PLB1: variants seen among roughly 807,000 people sequenced by gnomAD.
PLB1 encodes phospholipase B1.
PLB1 carries 242 observed loss-of-function variants against 227.4 expected under a neutral mutation model. That is an observed-to-expected ratio of 1.06 (90% confidence interval 0.96 to 1.18). The LOEUF is 1.18. Ranked by LOEUF, PLB1 falls within the 50% of genes most tolerant of loss-of-function variation. The probability of loss-of-function intolerance (pLI) is 0.00; values close to 1 mark genes in which losing one functional copy is unlikely to be tolerated. For synonymous variants in PLB1, 757 were observed against 682.2 expected, an observed-to-expected ratio of 1.11 and a Z score of -1.71; for missense variants, 1,858 against 1,816.3, an observed-to-expected ratio of 1.02 and a Z score of -0.42.
In PLB1 at chr2:28,596,799, C is replaced by G. The variant is rs144636649; in HGVS notation, c.2322-1206C>G. 9.2e-3 allele frequency among the ~76,000 whole-genome samples: 1,407 copies of G among 152,370 alleles called. 23 individuals carry two copies. The highest frequency in any genetic ancestry group is 0.032 in the African/African-American group (1,331 of 41,586). ...GTAAGATTTACGGCATCTGCCTTCT[C>G]TCTACCACCTGAATTGCTTGCAGAG... On this transcript the variant is annotated intron_variant, in intron 33 of 57. Transcript: ENST00000327757.
At chr2:28,545,073 C>T (rs1343815000) in intron 14 of PLB1, among the ~76,000 whole-genome samples, 1 of 152,180 alleles carries the variant, frequency 6.6e-6, no homozygotes, top group Non-Finnish European at 1.5e-5. Context: ...CGTACGGTCT[C>T]TTAAAACTAC....
Position 28,529,651 on chromosome 2 carries a change from A to G in PLB1, c.417-77A>G, listed in dbSNP as rs1033923647. On this transcript the variant is annotated intron_variant, in intron 7 of 57. Transcript: ENST00000327757. ...AAGCTTAGAGACTGACACCTGAGCT[A>G]TGGCAAGGGGCAAGCTTCCAGCCCT... 25 of 1,438,392 alleles carry G rather than the reference A, an allele frequency of 1.7e-5. 1 individual carries two copies. The South Asian group carries it at 1.9e-4, about 11-fold the overall frequency. 89.1% of individuals were successfully genotyped at this position (1,438,392 alleles called of 1,614,324 possible).
intron 21 of PLB1, among the ~76,000 whole-genome samples, chr2:28,577,771 G>T (rs991387423): frequency 6.6e-6 from 1 of 152,216 alleles, no homozygotes; most frequent in Non-Finnish European, 1.5e-5. Flanking sequence ...AACCCAGGAG[G>T]CAGGGTTGCA....
intron 33 of PLB1, chr2:28,594,536 C>T (rs1464672670): frequency 6.4e-6 from 1 of 157,310 alleles, no homozygotes; most frequent in Non-Finnish European, 1.4e-5. Flanking sequence ...CCCTTTTCTT[C>T]TGAGTCAGTT....
In PLB1 at chr2:28,601,917, A is replaced by C. The variant is rs758502249; in HGVS notation, c.2626A>C (p.Asn876His). 1 of 1,610,526 alleles carries C rather than the reference A, an allele frequency of 6.2e-7. No homozygotes were observed. The highest frequency in any genetic ancestry group is 2.2e-5 in the East Asian group (1 of 44,810). Reference sequence around the variant, plus strand: ...TTTCTAGAATCTGTATTCTGCAGCCAACTTTGTTCACCATCTCCGCAATGC... The same window carrying C: ...TTTCTAGAATCTGTATTCTGCAGCCCACTTTGTTCACCATCTCCGCAATGC... ...CTDSNLYSAA[N>H]FVHHLRNALD... The change falls in exon 38 of 58, where the codon AAC (asparagine) becomes CAC (histidine). Residue 876 changes from asparagine (N) to histidine (H), a missense_variant. By Grantham distance (68) the Asn-to-His change is moderately conservative. Transcript: ENST00000327757.
intron 33 of PLB1, among the ~76,000 whole-genome samples, chr2:28,596,621 T>G (rs978766557): frequency 6.6e-6 from 1 of 152,194 alleles, no homozygotes; most frequent in African/African-American, 2.4e-5. Flanking sequence ...TCTGATTGGG[T>G]GCCTTTAGTC....
intron 50 of PLB1, among the ~76,000 whole-genome samples, chr2:28,625,667 C>T (rs1332191066): frequency 5.3e-5 from 8 of 152,198 alleles, no homozygotes; most frequent in South Asian, 4.1e-4. Flanking sequence ...CAGTCTCCTT[C>T]CCCCGACCCT....
At chr2:28,608,606 G>C (rs1162078503) in intron 43 of PLB1, among the ~76,000 whole-genome samples, 1 of 152,180 alleles carries the variant, frequency 6.6e-6, no homozygotes, top group Non-Finnish European at 1.5e-5. Context: ...CTTTTGACTA[G>C]CCTTCTGTGG....
rs142769436 is a variant in PLB1, at chr2:28,617,095, G to C, written c.3196-632G>C. ...CACCTGGAAAATATGTTCTGTATTA[G>C]AGACAAAGAAAATTGACTAAAAGCA... is the stretch of plus-strand genomic sequence containing the variant. On this transcript the variant is annotated intron_variant, in intron 44 of 57. Transcript: ENST00000327757. 1.1e-3 allele frequency among the ~76,000 whole-genome samples: 161 copies of C among 152,236 alleles called. 3 individuals carry two copies. Among genetic ancestry groups the C allele is most frequent in the East Asian group, 8.1e-3 (42 of 5,180 alleles).
Position 28,625,050 on chromosome 2 carries a change from C to T in PLB1, c.3528-7C>T, listed in dbSNP as rs374107968. ...CACTAACGCCCCTCTCTCTACCCCC[C>T]ACCTAGGGACATGCCAGCCCAGGCC... On this transcript the variant is annotated splice_region_variant and splice_polypyrimidine_tract_variant and intron_variant, in intron 49 of 57. Transcript: ENST00000327757. The T allele has an allele frequency of 4.3e-5, 69 of 1,613,258 alleles. No homozygotes were observed. Among genetic ancestry groups the T allele is most frequent in the Admixed American group, 3.3e-4 (20 of 59,912 alleles).
At chr2:28,540,885 A>G (rs1672385240) in intron 12 of PLB1, among the ~76,000 whole-genome samples, 1 of 152,132 alleles carries the variant, frequency 6.6e-6, no homozygotes, top group South Asian at 2.1e-4. Flanking sequence ...AGAGAGGGTG[A>G]AGGGGTTGGG....
chr2:28,591,220 A>C lies in PLB1; in HGVS notation c.2127+49A>C, dbSNP rs780095242. The C allele has an allele frequency of 1.9e-6, 3 of 1,609,306 alleles. No individual in the cohort carries two copies. The African/African-American group carries it at 4.0e-5, about 22-fold the overall frequency. ...GACTCACCAGGCAATGCAATGGGCA[A>C]CCCCTGGGCTGGGACAGGCCCAACA... On this transcript the variant is annotated intron_variant, in intron 30 of 57. Coordinates refer to ENST00000327757, the MANE Select transcript of PLB1 (RefSeq NM_153021.5).
chr2:28,636,043 ATGTATG>A (rs1465405827), intron 56 of PLB1, among the ~76,000 whole-genome samples: 5 of 145,738 alleles, frequency 3.4e-5, no homozygotes, highest in African/African-American at 1.1e-4. Flanking sequence ...GTGTGTGTGT[ATGTATG>A]TGTATGTGTG....
At chr2:28,640,520 G>C (rs1038250288) in intron 56 of PLB1, among the ~76,000 whole-genome samples, 1 of 152,202 alleles carries the variant, frequency 6.6e-6, no homozygotes, top group South Asian at 2.1e-4. Flanking sequence ...ACTTTGAGAA[G>C]TTGGTAAATA....
chr2:28,626,025 TC>T lies in PLB1; in HGVS notation c.3580-402del, dbSNP rs1687723160. 5.3e-5 allele frequency among the ~76,000 whole-genome samples: 8 copies of T among 149,940 alleles called. 1 individual carries two copies. In the South Asian group the frequency reaches 1.7e-3, roughly 31 times the overall value. On this transcript the variant is annotated intron_variant, in intron 50 of 57. Transcript: ENST00000327757. Reference sequence around the variant, plus strand: ...TTTTTTTTTTTTTTTAGACGGAGTCTCGCTCTGTCACCCAGGCTGGAGTGCA... The same window carrying T: ...TTTTTTTTTTTTTTTAGACGGAGTCTGCTCTGTCACCCAGGCTGGAGTGCA...
chr2:28,503,823 G>C (rs948461828), intron 1 of PLB1, among the ~76,000 whole-genome samples: 1 of 152,158 alleles, frequency 6.6e-6, no homozygotes, highest in Non-Finnish European at 1.5e-5. Flanking sequence ...CTGCTTCTAT[G>C]AGTCAATGCA....
intron 5 of PLB1, among the ~76,000 whole-genome samples, chr2:28,525,528 TGAG>T (rs1239851509): frequency 6.6e-6 from 1 of 152,014 alleles, no homozygotes; most frequent in Non-Finnish European, 1.5e-5. Context: ...TTGGGGTGAA[TGAG>T]GAGAAGTGGG....
At chr2:28,549,544 T>C (rs994670812) in intron 15 of PLB1, among the ~76,000 whole-genome samples, 15 of 148,594 alleles carry the variant, frequency 1.0e-4, no homozygotes, top group African/African-American at 3.7e-4. Context: ...GCCTCCCAAG[T>C]GGCTGGGACT....
At chr2:28,597,105 A>G (rs1029955873) in intron 33 of PLB1, among the ~76,000 whole-genome samples, 3 of 151,986 alleles carry the variant, frequency 2.0e-5, no homozygotes, top group Non-Finnish European at 4.4e-5. Context: ...CTACTAAAAA[A>G]CAGAAAAAAT....
Sources: allele counts gnomAD v4.1 joint callset (sites outside exome capture counted in the v4.1 genomes callset), GRCh38; gene constraint gnomAD v4.1.1; transcripts MANE v1.5; gene names NCBI Gene and HGNC (gene_info 2026-07-23, HGNC 2026-07-21).